Variants in CACNA1C observed in about 807,000 individuals in gnomAD.
The protein encoded by CACNA1C is calcium voltage-gated channel subunit alpha1 C.
A neutral mutation model predicts 229.0 loss-of-function variants in CACNA1C; 30 were observed. That is an observed-to-expected ratio of 0.13 (90% confidence interval 0.10 to 0.18). CACNA1C has a LOEUF of 0.18. CACNA1C is among the 10% of genes least tolerant of loss of function. The pLI is 1.00. For synonymous variants in CACNA1C, 1,114 were observed against 1,132.5 expected (o/e 0.98, Z 0.33); for missense variants, 1,658 against 2,845.0 (o/e 0.58, Z 9.49).
rs138907336 is a variant in CACNA1C at position 2,484,660 on chromosome 12, TG to T, written c.758-1440del. ...CCTTCATGCCTGGGTAGCCCAGATT[TG>T]GGGTTCCCACCACCTCGAGTAGCAC... On this transcript the variant is annotated intron_variant, in intron 5 of 46. Transcript: ENST00000399655. 3.0e-3 allele frequency among the ~76,000 whole-genome samples: 461 copies of T among 152,106 alleles called. 1 individual carries two copies. Among genetic ancestry groups the T allele is most frequent in the African/African-American group, 9.7e-3 (402 of 41,510 alleles).
intron 7 of CACNA1C, among the ~76,000 whole-genome samples, chr12:2,502,185 TG>T (rs1377914752): frequency 6.6e-6 from 1 of 152,222 alleles, no homozygotes; most frequent in East Asian, 1.9e-4. Flanking sequence ...TGTAGCTGCC[TG>T]GTCATTTCCT....
intron 1 of CACNA1C, among the ~76,000 whole-genome samples, chr12:1,985,875 A>G (rs2037549149): frequency 6.6e-6 from 1 of 151,800 alleles, no homozygotes; most frequent in African/African-American, 2.4e-5. Flanking sequence ...CAGTGGTGCG[A>G]TCTTGGCTCA....
rs563139361 is a variant in CACNA1C at position 1,983,843 on chromosome 12, TAA to T, written c.139+12651_139+12652del. 1.4e-4 allele frequency among the ~76,000 whole-genome samples: 21 copies of T among 148,404 alleles called. No individual in the cohort carries two copies. In the South Asian group the frequency reaches 4.5e-3, roughly 32 times the overall value. ...TAAATTCTCCAAGTAACTGCAGAATTAAAAAAAAAACAAAAACTTCTCCTTTC... is the reference window on the plus strand; with the variant it reads ...TAAATTCTCCAAGTAACTGCAGAATTAAAAAAAACAAAAACTTCTCCTTTC... On this transcript the variant is annotated intron_variant, in intron 1 of 46. Coordinates refer to the CACNA1C transcript ENST00000682462.
chr12:2,202,717 C>T (rs901768859), intron 3 of CACNA1C, among the ~76,000 whole-genome samples: 5 of 152,164 alleles, frequency 3.3e-5, no homozygotes, highest in African/African-American at 1.2e-4. Context: ...AGTGTCTCAC[C>T]TGAAGCATCC....
chr12:2,505,820 G>A lies in CACNA1C; in HGVS notation c.1217+875G>A, dbSNP rs563265192. ...AAATGCTCCTGGTGACCTGCTCATG[G>A]GTAACCCACTCTGCTGCCTTTGCCA... is the stretch of plus-strand genomic sequence containing the variant. On this transcript the variant is annotated intron_variant, in intron 8 of 46. Transcript: ENST00000399655. 4.6e-5 allele frequency among the ~76,000 whole-genome samples: 7 copies of A among 152,244 alleles called. No homozygotes were observed. The South Asian group carries it at 1.4e-3, about 32-fold the overall frequency.
intron 2 of CACNA1C, among the ~76,000 whole-genome samples, chr12:2,119,931 C>T (rs573209572): frequency 3.9e-5 from 6 of 152,272 alleles, no homozygotes; most frequent in Admixed American, 6.5e-5. Flanking sequence ...TCCAGGTGGG[C>T]GTGGGCCCAC....
At chr12:1,995,989 CCTGT>C (rs2040704514) in intron 1 of CACNA1C, among the ~76,000 whole-genome samples, 1 of 152,212 alleles carries the variant, frequency 6.6e-6, no homozygotes, top group African/African-American at 2.4e-5. Flanking sequence ...TTCTTGACCT[CCTGT>C]CTTTCTTTTC....
chr12:2,372,386 C>T (rs1377537024), intron 3 of CACNA1C, among the ~76,000 whole-genome samples: 1 of 152,202 alleles, frequency 6.6e-6, no homozygotes, highest in Non-Finnish European at 1.5e-5. Flanking sequence ...ACACCGGAGT[C>T]TGTTGCCATG....
intron 3 of CACNA1C, among the ~76,000 whole-genome samples, chr12:2,252,982 A>G (rs1261582496): frequency 6.6e-6 from 1 of 151,950 alleles, no homozygotes; most frequent in South Asian, 2.1e-4. Flanking sequence ...TGGGCAGGGG[A>G]AGGAGGGAGT....
In CACNA1C at chr12:2,457,632, G is replaced by C. The variant is rs1450485673; in HGVS notation, c.683G>C (p.Gly228Ala). The change falls in exon 5 of 47, where the codon GGG becomes GCG. Residue 228 changes from glycine (G) to alanine (A), a missense_variant. Physicochemically the swap from Gly to Ala is moderately conservative, Grantham distance 60 (BLOSUM62 0). Coordinates refer to ENST00000399655, the MANE Select transcript of CACNA1C (RefSeq NM_000719.7). The stretch of plus-strand genomic sequence containing the variant: ...GGGGCAAACGCTCTCGGAGGGAAAG[G>C]GGCCGGATTTGATGTGAAGGCGCTG... ...ADGANALGGKGAGFDVKALRA... is the reference protein window; with the variant it reads ...ADGANALGGKAAGFDVKALRA... 6.2e-7 allele frequency: 1 copy of C among 1,612,964 alleles called. No individual in the cohort carries two copies.
At position 2,215,530 on chromosome 12, in the gene CACNA1C, G is replaced by A. The variant is rs1177565446; in HGVS notation, c.477+95100G>A. Among the ~76,000 whole-genome samples, 1 of 152,178 alleles carries A rather than the reference G, an allele frequency of 6.6e-6. No individual in the cohort carries two copies. The highest frequency in any genetic ancestry group is 1.5e-5 in the Non-Finnish European group (1 of 68,032). On this transcript the variant is annotated intron_variant, in intron 3 of 46. Transcript: ENST00000399655. The surrounding 1 kb of genome is among the most constrained non-coding windows in gnomAD (Gnocchi z 5.0). ...AGCTCATGCTCTGTCTTTCCTCAGAGCTCCTACCACAGTCCCTGTCCCCCA... is the reference window on the plus strand; with the variant it reads ...AGCTCATGCTCTGTCTTTCCTCAGAACTCCTACCACAGTCCCTGTCCCCCA...
intron 11 of CACNA1C, among the ~76,000 whole-genome samples, chr12:2,565,205 A>T (rs566296325): frequency 1.3e-5 from 2 of 151,648 alleles, no homozygotes; most frequent in African/African-American, 2.4e-5. Flanking sequence ...GCGGTGGCTC[A>T]CGCCTGTAAT....
intron 9 of CACNA1C, among the ~76,000 whole-genome samples, chr12:2,516,250 G>A (rs1037999643): frequency 6.6e-6 from 1 of 152,182 alleles, no homozygotes; most frequent in Non-Finnish European, 1.5e-5. Context: ...GATGAATCCG[G>A]AGCTGAGGAG....
intron 3 of CACNA1C, among the ~76,000 whole-genome samples, chr12:2,227,329 C>A (rs993105489): frequency 2.0e-5 from 3 of 152,184 alleles, no homozygotes; most frequent in African/African-American, 7.2e-5. Context: ...CAGACAGACA[C>A]TTCATTCTGT....
At chr12:2,356,897 A>G (rs1333484887) in intron 3 of CACNA1C, among the ~76,000 whole-genome samples, 1 of 152,214 alleles carries the variant, frequency 6.6e-6, no homozygotes, top group Non-Finnish European at 1.5e-5. Context: ...AGGGTCACAC[A>G]GCTAGTATGC....
At chr12:2,387,389 A>G (rs2098410412) in intron 3 of CACNA1C, among the ~76,000 whole-genome samples, 2 of 152,088 alleles carry the variant, frequency 1.3e-5, no homozygotes, top group African/African-American at 4.8e-5. Flanking sequence ...GGAGGCTGAC[A>G]CAGGAGAATC....
intron 1 of CACNA1C, among the ~76,000 whole-genome samples, chr12:2,057,666 G>A (rs144750926): frequency 1.1e-4 from 17 of 152,298 alleles, no homozygotes; most frequent in African/African-American, 4.1e-4. Context: ...CCAGTCCGTC[G>A]CAGGCTCTTC....
At chr12:2,531,628 C>T (rs562978145) in intron 9 of CACNA1C, among the ~76,000 whole-genome samples, 2 of 152,252 alleles carry the variant, frequency 1.3e-5, no homozygotes, top group African/African-American at 2.4e-5. Context: ...GGCCAGGCAG[C>T]AGAGGTCACA....
intron 45 of CACNA1C, among the ~76,000 whole-genome samples, chr12:2,686,526 C>T (rs969896144): frequency 6.6e-6 from 1 of 152,218 alleles, no homozygotes; most frequent in African/African-American, 2.4e-5. Context: ...TCCTGAGGAC[C>T]CACAGCTGCA....
Sources: gnomAD v4.1 joint callset for allele counts (sites outside exome capture counted in the v4.1 genomes callset) on GRCh38, gnomAD v4.1.1 for gene constraint, Gnocchi (gnomAD v3.1) non-coding constraint, MANE v1.5 for transcripts, NCBI Gene and HGNC (gene_info 2026-07-23, HGNC 2026-07-21) for gene names.